The following PDK1 variants were observed in gnomAD, a reference collection of about 807,000 sequenced individuals.
PDK1 encodes the protein pyruvate dehydrogenase kinase 1, also known as [Pyruvate dehydrogenase (acetyl-transferring)] kinase isozyme 1, mitochondrial.
A neutral mutation model predicts 54.2 loss-of-function variants in PDK1; 39 were observed. The observed-to-expected ratio is 0.72, with a 90% CI of 0.56 to 0.94. PDK1 has a LOEUF of 0.94. Among genes scored for constraint, PDK1 ranks in the 40% least tolerant of loss-of-function variants. The pLI, the probability that PDK1 is intolerant of heterozygous loss-of-function variation, is 0.00. For missense variants in PDK1, 552 were observed against 566.0 expected (o/e 0.98, Z 0.25); for synonymous variants, 221 against 207.1 (o/e 1.07, Z -0.58).
Position 172,605,051 on chromosome 2 carries a change from A to G in PDK1, c.*9082A>G, listed in dbSNP as rs1023691644. On this transcript the variant is annotated 3_prime_UTR_variant, in exon 11 of 11. Coordinates refer to ENST00000282077, the MANE Select transcript of PDK1 (RefSeq NM_002610.5). ...GCTCTCAGAGAAAACTTTTCCCTCT[A>G]TAGACTCCCCATTTTAAGAAGGAGG... is the stretch of plus-strand genomic sequence containing the variant. 2.6e-5 allele frequency: 4 copies of G among 152,200 alleles called. No homozygotes were observed. The highest frequency in any genetic ancestry group is 2.1e-4 in the South Asian group (1 of 4,836). 9.4% of individuals were successfully genotyped at this position (152,200 alleles called of 1,614,324 possible). A position where few individuals can be genotyped will look rare whatever the true frequency, so the allele number is the denominator to read the frequency against.
the PDK1 span, among the ~76,000 whole-genome samples, chr2:172,660,231 TTCTC>T: frequency 4.5e-4 from 36 of 80,082 alleles, no homozygotes; most frequent in South Asian, 9.7e-4. Context: ...TAAAATTGCT[TTCTC>T]TCTCTCTCTC....
chr2:172,701,554 G>C, the PDK1 span, among the ~76,000 whole-genome samples: 1 of 152,066 alleles, frequency 6.6e-6, no homozygotes, highest in East Asian at 1.9e-4. Context: ...CATGGGTAAG[G>C]CTACTTGTTG....
chr2:172,566,967 G>T, intron 6 of PDK1, 34 bp downstream of exon 6: 2 of 1,360,292 alleles, frequency 1.5e-6, no homozygotes, highest in Non-Finnish European at 1.0e-6. Flanking sequence ...TCAATAATTA[G>T]TGCTTTGATT....
chr2:172,677,022 T>A, the PDK1 span: 1 of 152,226 alleles, frequency 6.6e-6, no homozygotes, highest in African/African-American at 2.4e-5. Flanking sequence ...TAAAATATTT[T>A]AAAATTAAGA....
chr2:172,635,691 G>GC, the PDK1 span, among the ~76,000 whole-genome samples: 1 of 152,282 alleles, frequency 6.6e-6, no homozygotes, highest in Non-Finnish European at 1.5e-5. Flanking sequence ...AGAGACTGCT[G>GC]CCCCCCTCCA....
At chr2:172,561,122 A>G (rs1250175734) in intron 2 of PDK1, among the ~76,000 whole-genome samples, 1 of 152,256 alleles carries the variant, frequency 6.6e-6, no homozygotes, top group Non-Finnish European at 1.5e-5. Context: ...ATGATGGGAT[A>G]TAATGGAGAA....
the PDK1 span, among the ~76,000 whole-genome samples, chr2:172,621,717 T>TTATATGTTTATATCTCATATGTGTCA: frequency 1.7e-4 from 23 of 137,684 alleles, no homozygotes; most frequent in African/African-American, 6.1e-4. Flanking sequence ...ATCAAACATG[T>TTATATGTTTATATCTCATATGTGTCA]TATATGTTTA....
At position 172,589,122 on chromosome 2, in the gene PDK1, A is replaced by G. The variant is rs567987123; in HGVS notation, c.1056+2734A>G. Among the ~76,000 whole-genome samples, 44 of 152,310 alleles carry G rather than the reference A, an allele frequency of 2.9e-4. No homozygotes were observed. In the South Asian group the frequency reaches 9.1e-3, roughly 32 times the overall value. On this transcript the variant is annotated intron_variant, in intron 9 of 10. Coordinates refer to ENST00000282077, the MANE Select transcript of PDK1 (RefSeq NM_002610.5). Reference sequence around the variant, plus strand: ...TAGGGGAAGCCCTATGAGTCAGCCCATAAGTATGGTCAAGAGAGAGCACGT... The same window carrying G: ...TAGGGGAAGCCCTATGAGTCAGCCCGTAAGTATGGTCAAGAGAGAGCACGT...
rs986915033 is a variant in PDK1, at chr2:172,608,156, CAT to C, written c.*12191_*12192del. ...GAATTTACAATCTAAATATAACAAA[CAT>C]ATAGAGTGAGATAGGAGAAAAGAAA... On this transcript the variant is annotated 3_prime_UTR_variant, in exon 11 of 11. Coordinates refer to ENST00000282077, the MANE Select transcript of PDK1 (RefSeq NM_002610.5). The C allele has an allele frequency of 2.0e-5, 3 of 152,056 alleles. No individual in the cohort carries two copies. The highest frequency in any genetic ancestry group is 2.1e-4 in the South Asian group (1 of 4,816). The allele number at this position is 152,056 out of a possible 1,614,324, so 9.4% of individuals were successfully genotyped here.
chr2:172,590,044 G>A (rs1282227314), intron 9 of PDK1, among the ~76,000 whole-genome samples: 1 of 152,200 alleles, frequency 6.6e-6, no homozygotes, highest in Non-Finnish European at 1.5e-5. Context: ...CAGTGGGGTA[G>A]GGGTGGTGGG....
intron 8 of PDK1, among the ~76,000 whole-genome samples, chr2:172,572,018 G>A (rs1324555219): frequency 1.3e-5 from 2 of 151,766 alleles, no homozygotes; most frequent in Non-Finnish European, 2.9e-5. Flanking sequence ...TTTTAGTAGA[G>A]ACAGGGTTTC....
chr2:172,567,012 G>A, intron 6 of PDK1, 79 bp downstream of exon 6: 2 of 956,570 alleles, frequency 2.1e-6, no homozygotes, highest in Non-Finnish European at 3.2e-6. Flanking sequence ...ATGTTTTAAT[G>A]GAAGATGACT....
chr2:172,714,604 A>G, the PDK1 span, among the ~76,000 whole-genome samples: 1 of 139,406 alleles, frequency 7.2e-6, no homozygotes, highest in African/African-American at 2.6e-5. Flanking sequence ...AAATAAATGT[A>G]TTATTAAATT....
chr2:172,596,760 T>G lies in PDK1; in HGVS notation c.*791T>G, dbSNP rs141880401. On this transcript the variant is annotated 3_prime_UTR_variant, in exon 11 of 11. Transcript: ENST00000282077. ...TGCTTGTTGAGATTACCTAGAAAGC[T>G]TTTGGAAAAAAATAGAGCTTTTCTG... The G allele has an allele frequency of 6.6e-6, 1 of 152,312 alleles. No individual in the cohort carries two copies. Among genetic ancestry groups the G allele is most frequent in the East Asian group, 1.9e-4 (1 of 5,180 alleles). The allele number at this position is 152,312 out of a possible 1,614,324, so 9.4% of individuals were successfully genotyped here.
the PDK1 span, among the ~76,000 whole-genome samples, chr2:172,671,677 TA>T: frequency 6.6e-6 from 1 of 152,042 alleles, no homozygotes; most frequent in African/African-American, 2.4e-5. Context: ...AATAAACCAA[TA>T]AATCTGAGCA....
At chr2:172,561,375 G>C (rs766631865) in intron 2 of PDK1, among the ~76,000 whole-genome samples, 9 of 152,300 alleles carry the variant, frequency 5.9e-5, no homozygotes, top group Admixed American at 4.6e-4. Context: ...CATATTGCTT[G>C]TCAGAAACAG....
the PDK1 span, among the ~76,000 whole-genome samples, chr2:172,681,862 G>A: frequency 4.6e-5 from 7 of 152,070 alleles, no homozygotes; most frequent in East Asian, 9.6e-4. Flanking sequence ...AGGTTCAAGC[G>A]ATTCTCAAGC....
chr2:172,692,836 G>A, the PDK1 span, among the ~76,000 whole-genome samples: 1 of 152,184 alleles, frequency 6.6e-6, no homozygotes, highest in Non-Finnish European at 1.5e-5. Context: ...TTGCACACTT[G>A]GTTCACCTGG....
chr2:172,560,305 A>G (rs903305247), intron 2 of PDK1, among the ~76,000 whole-genome samples: 3 of 152,230 alleles, frequency 2.0e-5, no homozygotes, highest in Admixed American at 2.0e-4. Context: ...AGCTGGGACC[A>G]CAGCCATGCG....
Sources: allele counts gnomAD v4.1 joint callset (sites outside exome capture counted in the v4.1 genomes callset), GRCh38; gene constraint gnomAD v4.1.1; transcripts MANE v1.5; gene names NCBI Gene and HGNC (gene_info 2026-07-23, HGNC 2026-07-21).